The following HEPH variants were observed in gnomAD, a reference collection of about 807,000 sequenced individuals.
HEPH encodes the protein hephaestin.
HEPH carries 69 observed loss-of-function variants against 80.8 expected under a neutral mutation model. The ratio of observed to expected loss-of-function variants is 0.85; its 90% confidence interval spans 0.70 to 1.04. HEPH has a LOEUF of 1.04. Ranked by LOEUF, HEPH falls within the 50% of genes least tolerant of loss-of-function variation. HEPH has a pLI of 0.00. For missense variants in HEPH, 1,115 were observed against 891.3 expected (o/e 1.25, Z -3.20); for synonymous variants, 431 against 322.8 (o/e 1.34, Z -3.60).
chrX:66,186,556 C>G (rs1038118384), intron 4 of HEPH, among the ~76,000 whole-genome samples: 5 of 112,876 alleles, frequency 4.4e-5, no homozygotes, highest in Non-Finnish European at 9.4e-5. Flanking sequence ...TGCCCTGCTT[C>G]GGCTCGCGCA....
At chrX:66,249,126 C>G (rs902279878) in intron 15 of HEPH, among the ~76,000 whole-genome samples, 8 of 111,151 alleles carry the variant, frequency 7.2e-5, no homozygotes, top group African/African-American at 2.6e-4. Flanking sequence ...AGTAGAAACA[C>G]TTCCCCCTCT....
At chrX:66,178,289 G>A (rs1398407164) in intron 4 of HEPH, among the ~76,000 whole-genome samples, 53 of 112,157 alleles carry the variant, frequency 4.7e-4, no homozygotes, top group African/African-American at 1.5e-3. Context: ...CTTTTTTATG[G>A]CTGCATAGTA....
At chrX:66,243,804 G>T (rs759437555) in intron 15 of HEPH, among the ~76,000 whole-genome samples, 2 of 112,332 alleles carry the variant, frequency 1.8e-5, no homozygotes, top group African/African-American at 3.2e-5. Context: ...ATTGGTAAGG[G>T]TCTTTCCTTT....
chrX:66,256,322 A>G lies in HEPH; in HGVS notation c.2888A>G (p.Lys963Arg). ...GATGAAACTTTCTTGGAGAGCAATA[A>G]AATGCATGGTCAGTAGTAAAAAACC... Reference protein sequence around the residue: ...LQDETFLESNKMHAINGKLYA... With the variant: ...LQDETFLESNRMHAINGKLYA... Residue 963 changes from lysine to arginine, a missense_variant, in exon 17 of 21, where the codon AAA (lysine) becomes AGA (arginine). By Grantham distance (26) the Lys-to-Arg change is conservative. Coordinates refer to ENST00000343002, the MANE Select transcript of HEPH (RefSeq NM_001367233.3). The G allele has an allele frequency of 8.4e-7, 1 of 1,195,917 alleles. No homozygotes were observed. The highest frequency in any genetic ancestry group is 1.1e-6 in the Non-Finnish European group (1 of 881,861).
At chrX:66,165,425 C>T (rs1191375371) in intron 1 of HEPH, among the ~76,000 whole-genome samples, 1 of 111,663 alleles carries the variant, frequency 9.0e-6, no homozygotes, top group Non-Finnish European at 1.9e-5. Flanking sequence ...AGATTGAAGA[C>T]AGGGCCCCAA....
At chrX:66,235,197 TTAAC>T (rs2090312600) in intron 15 of HEPH, among the ~76,000 whole-genome samples, 1 of 112,080 alleles carries the variant, frequency 8.9e-6, no homozygotes, top group Non-Finnish European at 1.9e-5. Context: ...ACTCTTTAGT[TTAAC>T]TAGATGCCAT....
At chrX:66,200,317 G>T in intron 11 of HEPH, 1 of 395,441 alleles carries the variant, frequency 2.5e-6, no homozygotes. Context: ...TGTGGATCAT[G>T]GTGGAGGTGA....
Position 66,172,387 on chromosome X carries a change from A to G in HEPH, c.200A>G (p.Asn67Ser), listed in dbSNP as rs779304261. 1 of 1,192,889 alleles carries G rather than the reference A, an allele frequency of 8.4e-7. No individual in the cohort carries two copies. Among genetic ancestry groups the G allele is most frequent in the Non-Finnish European group, 1.1e-6 (1 of 885,936 alleles). The change falls in exon 3 of 21, where the codon AAC becomes AGC. Residue 67 changes from asparagine to serine, a missense_variant. Physicochemically the swap from Asn to Ser is conservative, Grantham distance 46. Around this residue, in one of 3 missense-constraint regions of HEPH, gnomAD observed 391 missense variants for 343.6 expected, o/e 1.14. Coordinates refer to ENST00000343002, the MANE Select transcript of HEPH (RefSeq NM_001367233.3). The stretch of plus-strand genomic sequence containing the variant: ...TCCAGCTTCTTAAAGTCTGACAAGA[A>G]CCGGATAGGGGGAACCTACAAGAAG... ...VASSFLKSDKNRIGGTYKKTI... is the reference protein window; with the variant it reads ...VASSFLKSDKSRIGGTYKKTI...
At chrX:66,236,659 A>AT (rs773895497) in intron 15 of HEPH, among the ~76,000 whole-genome samples, 12 of 110,799 alleles carry the variant, frequency 1.1e-4, no homozygotes, top group East Asian at 2.8e-4. Context: ...CCTCCTTCTC[A>AT]TTTTTTTGCA....
chrX:66,187,602 T>C (rs754343454), intron 4 of HEPH, among the ~76,000 whole-genome samples: 17 of 111,718 alleles, frequency 1.5e-4, no homozygotes, highest in Non-Finnish European at 2.8e-4. Flanking sequence ...ATGCGAACTG[T>C]GTATGGGTCT....
intron 15 of HEPH, among the ~76,000 whole-genome samples, chrX:66,229,907 C>G (rs1299315246): frequency 1.0e-5 from 1 of 99,042 alleles, no homozygotes; most frequent in African/African-American, 3.7e-5. Flanking sequence ...GTATATCTCC[C>G]AATGCTATCC....
chrX:66,174,554 A>G (rs1350956464), intron 4 of HEPH, among the ~76,000 whole-genome samples: 1 of 111,818 alleles, frequency 8.9e-6, no homozygotes, highest in African/African-American at 3.3e-5. Context: ...TCAAATGGTA[A>G]TTCTACTTTT....
chrX:66,236,798 C>T (rs1260996271), intron 15 of HEPH, among the ~76,000 whole-genome samples: 1 of 110,993 alleles, frequency 9.0e-6, no homozygotes, highest in Admixed American at 9.6e-5. Flanking sequence ...AACTTCAGGG[C>T]TTTTTATTGG....
At chrX:66,183,678 G>C (rs1249357204) in intron 4 of HEPH, among the ~76,000 whole-genome samples, 1 of 56,717 alleles carries the variant, frequency 1.8e-5, no homozygotes, top group Non-Finnish European at 2.7e-5. Context: ...ATTTTTTGAA[G>C]GGTTTTTTGT....
intron 15 of HEPH, among the ~76,000 whole-genome samples, chrX:66,238,525 A>AT (rs2090446498): frequency 9.0e-6 from 1 of 111,231 alleles, no homozygotes; most frequent in Non-Finnish European, 1.9e-5. Context: ...AGCCTGCATG[A>AT]CAAAGTGAGA....
In HEPH at chrX:66,192,182, G is replaced by A; in HGVS notation, c.1116G>A (p.Val372=). 8.3e-7 allele frequency: 1 copy of A among 1,210,584 alleles called. No individual in the cohort carries two copies. Among genetic ancestry groups the A allele is most frequent in the South Asian group, 1.8e-5 (1 of 56,884 alleles). ...AGTCTTGCTCCATGGCCCCTCCTGT[G>A]GACCTGCTCACAGGCAAAGTTCGAC... The part of the protein sequence containing the change: ...KVKSCSMAPP[V]DLLTGKVRQY... The change falls in exon 7 of 21, where the codon GTG becomes GTA. Residue 372 remains valine (V), a synonymous_variant. Coordinates refer to ENST00000343002, the MANE Select transcript of HEPH (RefSeq NM_001367233.3).
At chrX:66,217,818 A>T (rs2089462222) in intron 15 of HEPH, among the ~76,000 whole-genome samples, 1 of 111,672 alleles carries the variant, frequency 9.0e-6, no homozygotes. Context: ...GACTCACATA[A>T]ACTTAAGGTA....
In HEPH at chrX:66,260,271, T is replaced by G; in HGVS notation, c.3199+9T>G. On this transcript the variant is annotated intron_variant, in intron 19 of 20. Coordinates refer to ENST00000343002, the MANE Select transcript of HEPH (RefSeq NM_001367233.3). The stretch of plus-strand genomic sequence containing the variant: ...TGTTTTTTCTCGAACAGGTAAGTCC[T>G]AACTTCCCCAAAATGATCATCTTCT... The G allele has an allele frequency of 2.5e-6, 3 of 1,186,540 alleles. No individual in the cohort carries two copies. The highest frequency in any genetic ancestry group is 3.4e-6 in the Non-Finnish European group (3 of 874,412).
At chrX:66,251,932 G>A (rs2091018819) in intron 15 of HEPH, among the ~76,000 whole-genome samples, 1 of 112,046 alleles carries the variant, frequency 8.9e-6, no homozygotes, top group Non-Finnish European at 1.9e-5. Flanking sequence ...GCAGAGATGT[G>A]GCATGGTTTA....
Sources: allele counts gnomAD v4.1 joint callset (sites outside exome capture counted in the v4.1 genomes callset), GRCh38; gene constraint gnomAD v4.1.1; regional missense constraint gnomAD v4.1.1; transcripts MANE v1.5; gene names NCBI Gene and HGNC (gene_info 2026-07-23, HGNC 2026-07-21).